DOK6: variants seen among roughly 807,000 people sequenced by gnomAD.
The protein encoded by DOK6 is downstream of tyrosine kinase 6.
DOK6 carries 22 observed loss-of-function variants against 44.0 expected under a neutral mutation model. The observed-to-expected ratio is 0.50, with a 90% CI of 0.36 to 0.71. The LOEUF (loss-of-function observed/expected upper bound fraction) is 0.71, where lower values mean the gene tolerates loss of function less well. Among genes scored for constraint, DOK6 ranks in the 30% least tolerant of loss-of-function variants. DOK6 has a pLI of 0.00. For synonymous variants in DOK6, 166 were observed against 145.5 expected (o/e 1.14, Z -1.01); for missense variants, 340 against 416.4 (o/e 0.82, Z 1.60).
At chr18:69,665,256 A>G (rs1016747071) in intron 3 of DOK6, among the ~76,000 whole-genome samples, 19 of 152,106 alleles carry the variant, frequency 1.2e-4, no homozygotes, top group African/African-American at 4.3e-4. Context: ...TCATGACTCC[A>G]GGATTCTGGG....
chr18:69,601,848 G>T (rs1465894323), intron 3 of DOK6, among the ~76,000 whole-genome samples: 2 of 152,132 alleles, frequency 1.3e-5, no homozygotes, highest in African/African-American at 2.4e-5. Context: ...TGTAGTGCCA[G>T]AAAGTAAGGA....
At chr18:69,425,407 A>G (rs1352992180) in intron 1 of DOK6, among the ~76,000 whole-genome samples, 1 of 151,802 alleles carries the variant, frequency 6.6e-6, no homozygotes, top group Non-Finnish European at 1.5e-5. Flanking sequence ...TCCCCCTTTC[A>G]ATTATTTATG....
chr18:69,747,346 A>T (rs1461212403), intron 6 of DOK6, among the ~76,000 whole-genome samples: 1 of 152,216 alleles, frequency 6.6e-6, no homozygotes, highest in Non-Finnish European at 1.5e-5. Context: ...AATGAACACA[A>T]ATTAGCATCA....
intron 2 of DOK6, among the ~76,000 whole-genome samples, chr18:69,569,072 A>G (rs1274883449): frequency 1.3e-5 from 2 of 152,032 alleles, no homozygotes; most frequent in Non-Finnish European, 2.9e-5. Context: ...TGGTCCATGG[A>G]AAAATTGTCT....
chr18:69,791,142 C>A (rs1743339945), intron 7 of DOK6, among the ~76,000 whole-genome samples: 1 of 152,044 alleles, frequency 6.6e-6, no homozygotes, highest in South Asian at 2.1e-4. Context: ...ATGTCTTTAT[C>A]CATTTGCCTG....
intron 7 of DOK6, among the ~76,000 whole-genome samples, chr18:69,824,190 C>A (rs1221237463): frequency 8.8e-5 from 2 of 22,830 alleles, no homozygotes; most frequent in Non-Finnish European, 2.8e-4. Context: ...TGCTATCCCT[C>A]CCCCCTCCCC....
intron 2 of DOK6, among the ~76,000 whole-genome samples, chr18:69,568,776 A>G (rs34625577): frequency 0.39 from 59,483 of 151,700 alleles, 12,420 homozygotes; most frequent in South Asian, 0.46. Flanking sequence ...TTACATTCTC[A>G]TAGGAGCACA....
chr18:69,590,048 T>A (rs1305363139), intron 2 of DOK6, among the ~76,000 whole-genome samples: 1 of 152,082 alleles, frequency 6.6e-6, no homozygotes, highest in Non-Finnish European at 1.5e-5. Flanking sequence ...ATAAATCCTA[T>A]TCTTCAGTCT....
chr18:69,478,375 A>G (rs28634258), intron 1 of DOK6, among the ~76,000 whole-genome samples: 26 of 152,034 alleles, frequency 1.7e-4, no homozygotes, highest in African/African-American at 5.8e-4. Context: ...TCTGACACCT[A>G]TCTAATTTGG....
chr18:69,552,327 A>G (rs1055644316), intron 1 of DOK6, among the ~76,000 whole-genome samples: 3 of 152,018 alleles, frequency 2.0e-5, no homozygotes, highest in African/African-American at 7.2e-5. Flanking sequence ...TAAATATATA[A>G]TCATATATTA....
intron 1 of DOK6, among the ~76,000 whole-genome samples, chr18:69,459,595 C>T (rs929024239): frequency 2.0e-5 from 3 of 152,146 alleles, no homozygotes; most frequent in African/African-American, 7.2e-5. Context: ...GTGCTCAGAA[C>T]GATGAAACTC....
At chr18:69,730,736 C>A (rs543415889) in intron 5 of DOK6, among the ~76,000 whole-genome samples, 41 of 152,214 alleles carry the variant, frequency 2.7e-4, no homozygotes, top group African/African-American at 9.1e-4. Flanking sequence ...ATTTGAAATT[C>A]TTTAATGTTT....
chr18:69,672,762 G>C (rs927484488), intron 3 of DOK6, among the ~76,000 whole-genome samples: 1 of 151,834 alleles, frequency 6.6e-6, no homozygotes, highest in Non-Finnish European at 1.5e-5. Flanking sequence ...AGCAAGGCCA[G>C]TTAAGTAGAA....
At chr18:69,757,297 T>A (rs1177706687) in intron 6 of DOK6, among the ~76,000 whole-genome samples, 7 of 152,094 alleles carry the variant, frequency 4.6e-5, no homozygotes, top group Admixed American at 2.0e-4. Flanking sequence ...TAAAAAAAAA[T>A]AATAACGGGT....
At chr18:69,478,411 C>T (rs763872045) in intron 1 of DOK6, among the ~76,000 whole-genome samples, 2 of 152,088 alleles carry the variant, frequency 1.3e-5, no homozygotes, top group Non-Finnish European at 2.9e-5. Flanking sequence ...CCTTCCTTCT[C>T]CTCCTTTTTC....
At chr18:69,480,534 T>C (rs1480573217) in intron 1 of DOK6, among the ~76,000 whole-genome samples, 19 of 152,208 alleles carry the variant, frequency 1.2e-4, no homozygotes, top group Non-Finnish European at 1.5e-5. Context: ...TAGTCTCTTC[T>C]GTAATTAATA....
At chr18:69,798,382 T>C (rs79780122) in intron 7 of DOK6, among the ~76,000 whole-genome samples, 255 of 152,198 alleles carry the variant, frequency 1.7e-3, no homozygotes, top group Non-Finnish European at 3.2e-3. Flanking sequence ...GGCTAAAGGA[T>C]TGTAAGAGTT....
In DOK6 at chr18:69,841,297, G is replaced by A. The variant is rs139992081; in HGVS notation, c.910G>A (p.Ala304Thr). 2,088 of 1,614,076 alleles carry A rather than the reference G, an allele frequency of 1.3e-3. 2 individuals carry two copies. Among genetic ancestry groups the A allele is most frequent in the Non-Finnish European group, 1.5e-3 (1,802 of 1,180,010 alleles). Residue 304 changes from alanine (A) to threonine (T), a missense_variant, in exon 8 of 8, where the codon GCC becomes ACC. By Grantham distance (58) the Ala-to-Thr change is moderately conservative. Transcript: ENST00000382713. ...MSRAQTFPSY[A>T]PEQSEEAQQP... ...TCGTGCACAGACATTTCCCAGCTAC[G>A]CCCCAGAACAGAGTGAAGAGGCCCA...
chr18:69,724,828 C>T (rs12966010), intron 5 of DOK6: 2,094 of 152,320 alleles, frequency 0.014, 14 homozygotes, highest in Middle Eastern at 0.037. Flanking sequence ...CTTAGACCAG[C>T]TCTCTCCAAG....
Sources: allele counts gnomAD v4.1 joint callset (sites outside exome capture counted in the v4.1 genomes callset), GRCh38; gene constraint gnomAD v4.1.1; transcripts MANE v1.5; gene names NCBI Gene and HGNC (gene_info 2026-07-23, HGNC 2026-07-21).